MACROD2: variants seen among roughly 807,000 people sequenced by gnomAD.
MACROD2 encodes ADP-ribose glycohydrolase MACROD2.
In MACROD2, 36 loss-of-function variants were observed where a neutral mutation model predicts 70.4. That is an observed-to-expected ratio of 0.51 (90% confidence interval 0.39 to 0.68). MACROD2 has a LOEUF of 0.68. Among genes scored for constraint, MACROD2 ranks in the 30% least tolerant of loss-of-function variants. MACROD2 has a pLI of 0.00. For synonymous variants in MACROD2, 172 were observed against 178.8 expected (o/e 0.96, Z 0.30); for missense variants, 496 against 538.4 (o/e 0.92, Z 0.78).
chr20:14,471,036 C>G (rs2084524497), intron 3 of MACROD2, among the ~76,000 whole-genome samples: 1 of 152,160 alleles, frequency 6.6e-6, no homozygotes, highest in Admixed American at 6.5e-5. Context: ...TGCTTGAAAC[C>G]CAGGGCCCTG....
At chr20:15,862,122 G>A (rs1409309326) in intron 8 of MACROD2, among the ~76,000 whole-genome samples, 1 of 152,162 alleles carries the variant, frequency 6.6e-6, no homozygotes, top group South Asian at 2.1e-4. Context: ...TTTTACTTTT[G>A]AGGTGGCATT....
At chr20:14,146,957 A>G (rs188777798) in intron 3 of MACROD2, among the ~76,000 whole-genome samples, 7 of 152,282 alleles carry the variant, frequency 4.6e-5, no homozygotes, top group Admixed American at 3.9e-4. Context: ...TTTTGTATGT[A>G]TATAGTAAGT....
At chr20:14,127,498 A>C (rs1006648255) in intron 3 of MACROD2, 5 of 492,802 alleles carry the variant, frequency 1.0e-5, no homozygotes, top group South Asian at 7.5e-5. Flanking sequence ...AAATCATTGA[A>C]TATCTTAAGC....
intron 9 of MACROD2, among the ~76,000 whole-genome samples, chr20:15,872,862 G>T (rs1454349074): frequency 6.6e-6 from 1 of 152,046 alleles, no homozygotes; most frequent in Non-Finnish European, 1.5e-5. Context: ...AATGGAAAAT[G>T]CAAACAGCCA....
At chr20:15,815,475 G>T (rs529980130) in intron 8 of MACROD2, among the ~76,000 whole-genome samples, 2 of 151,998 alleles carry the variant, frequency 1.3e-5, no homozygotes, top group East Asian at 3.9e-4. Flanking sequence ...GACAGCTGGT[G>T]TTCATATGAC....
chr20:15,800,997 C>T (rs1460505089), intron 8 of MACROD2, among the ~76,000 whole-genome samples: 1 of 150,764 alleles, frequency 6.6e-6, no homozygotes, highest in Non-Finnish European at 1.5e-5. Context: ...GCAGCATGCT[C>T]CTTAAGAGTC....
chr20:14,862,047 A>ATT lies in MACROD2; in HGVS notation c.418+177089_418+177090insTT, dbSNP rs1266251108. ...TATATATTTATATATATTTATATAT[A>ATT]TATTTATATATATATAAATATATAT... On this transcript the variant is annotated intron_variant, in intron 5 of 17. Coordinates refer to ENST00000684519, the MANE Select transcript of MACROD2 (RefSeq NM_001351661.2). Among the ~76,000 whole-genome samples, 39 of 6,998 alleles carry ATT rather than the reference A, an allele frequency of 5.6e-3. 1 individual carries two copies. Among genetic ancestry groups the ATT allele is most frequent in the Middle Eastern group, 0.071 (1 of 14 alleles). The allele number at this position is 6,998 out of a possible 152,430, so 4.6% of individuals were successfully genotyped here.
intron 5 of MACROD2, among the ~76,000 whole-genome samples, chr20:14,856,224 TAAATAGAATTTAATTA>T (rs1176002728): frequency 4.6e-5 from 7 of 152,208 alleles, no homozygotes; most frequent in Non-Finnish European, 1.0e-4. Flanking sequence ...TGGTGGCAGT[TAAATAGAATTTAATTA>T]AAATAAATAT....
chr20:15,004,103 C>T (rs191365919), intron 5 of MACROD2, among the ~76,000 whole-genome samples: 60 of 152,244 alleles, frequency 3.9e-4, no homozygotes, highest in Admixed American at 3.3e-3. Context: ...AAGGCCTAAC[C>T]GGGGAGCTTT....
chr20:14,238,103 C>T (rs1018208446), intron 3 of MACROD2, among the ~76,000 whole-genome samples: 4 of 152,088 alleles, frequency 2.6e-5, no homozygotes, highest in Admixed American at 6.6e-5. Flanking sequence ...AGTTCTAGAT[C>T]CCTGAGGAAT....
chr20:15,676,900 AC>A (rs1004091054), intron 8 of MACROD2, among the ~76,000 whole-genome samples: 11 of 152,064 alleles, frequency 7.2e-5, no homozygotes, highest in Non-Finnish European at 1.6e-4. Flanking sequence ...TGATTTGGCA[AC>A]AACAACAACA....
intron 12 of MACROD2, among the ~76,000 whole-genome samples, chr20:15,949,469 CT>C (rs768609038): frequency 6.6e-6 from 1 of 152,180 alleles, no homozygotes; most frequent in Non-Finnish European, 1.5e-5. Context: ...TGCCCAGCCC[CT>C]GACCATCAAG....
intron 8 of MACROD2, among the ~76,000 whole-genome samples, chr20:15,718,312 C>G (rs2050735643): frequency 6.6e-6 from 1 of 152,098 alleles, no homozygotes; most frequent in South Asian, 2.1e-4. Flanking sequence ...TCTAAGCAAA[C>G]AGGCAAGTTA....
chr20:15,864,108 C>G (rs1162238629), intron 9 of MACROD2, among the ~76,000 whole-genome samples: 2 of 152,000 alleles, frequency 1.3e-5, no homozygotes, highest in African/African-American at 4.8e-5. Flanking sequence ...CACCTTTCTT[C>G]ATTTTTTTCA....
At chr20:14,694,148 G>C (rs1028100078) in intron 5 of MACROD2, among the ~76,000 whole-genome samples, 2 of 152,098 alleles carry the variant, frequency 1.3e-5, no homozygotes, top group Admixed American at 1.3e-4. Context: ...CCCCTTACCA[G>C]ATGTATACAG....
At chr20:15,454,472 G>A (rs1170187773) in intron 7 of MACROD2, among the ~76,000 whole-genome samples, 1 of 148,930 alleles carries the variant, frequency 6.7e-6, no homozygotes, top group African/African-American at 2.5e-5. Flanking sequence ...ATACAACTTA[G>A]TTTCCGGACT....
intron 5 of MACROD2, among the ~76,000 whole-genome samples, chr20:15,024,705 A>G (rs979693341): frequency 2.0e-5 from 3 of 152,158 alleles, no homozygotes; most frequent in Non-Finnish European, 2.9e-5. Flanking sequence ...TTCTATACCT[A>G]TCCTGTGGTT....
chr20:15,713,214 CA>C (rs1325890831), intron 8 of MACROD2, among the ~76,000 whole-genome samples: 4 of 152,146 alleles, frequency 2.6e-5, no homozygotes, highest in African/African-American at 9.7e-5. Context: ...AAAGGATTTT[CA>C]AAGATATAGA....
intron 5 of MACROD2, among the ~76,000 whole-genome samples, chr20:14,802,357 A>T (rs1312493384): frequency 6.6e-6 from 1 of 152,068 alleles, no homozygotes; most frequent in African/African-American, 2.4e-5. Context: ...TTTTATGGCT[A>T]AACGCTTTTA....
Sources: gnomAD v4.1 joint callset for allele counts (sites outside exome capture counted in the v4.1 genomes callset) on GRCh38, gnomAD v4.1.1 for gene constraint, MANE v1.5 for transcripts, NCBI Gene and HGNC (gene_info 2026-07-23, HGNC 2026-07-21) for gene names.